Variants in CDKAL1 observed in about 807,000 individuals in gnomAD.
CDKAL1 encodes CDKAL1 threonylcarbamoyladenosine tRNA methylthiotransferase.
In CDKAL1, 32 loss-of-function variants were observed where a neutral mutation model predicts 68.2. The observed-to-expected ratio is 0.47, with a 90% CI of 0.35 to 0.63. The LOEUF is 0.63. CDKAL1 is among the 30% of genes least tolerant of loss of function. The pLI, the probability that CDKAL1 is intolerant of heterozygous loss-of-function variation, is 0.00. For missense variants in CDKAL1, 606 were observed against 696.7 expected (o/e 0.87, Z 1.47); for synonymous variants, 234 against 244.3 (o/e 0.96, Z 0.39).
intron 13 of CDKAL1, among the ~76,000 whole-genome samples, chr6:21,132,671 C>T (rs1376140226): frequency 6.6e-6 from 1 of 152,080 alleles, no homozygotes; most frequent in Non-Finnish European, 1.5e-5. Flanking sequence ...AATTTCACTT[C>T]ATTATCCTTT....
intron 9 of CDKAL1, among the ~76,000 whole-genome samples, chr6:20,945,819 A>G (rs553429829): frequency 1.2e-4 from 19 of 152,286 alleles, no homozygotes; most frequent in African/African-American, 2.4e-4. Context: ...ATTTATTTCT[A>G]TTTACATTTG....
intron 9 of CDKAL1, among the ~76,000 whole-genome samples, chr6:20,915,576 T>A (rs901190197): frequency 1.1e-4 from 17 of 152,194 alleles, no homozygotes; most frequent in Non-Finnish European, 2.1e-4. Context: ...ATACAAAAAA[T>A]TTTTATGACA....
At chr6:20,555,579 A>G (rs983629296) in intron 4 of CDKAL1, among the ~76,000 whole-genome samples, 9 of 149,034 alleles carry the variant, frequency 6.0e-5, no homozygotes, top group African/African-American at 2.0e-4. Flanking sequence ...TTGGCCTCCC[A>G]AAGTGCTGGG....
chr6:21,093,453 A>AT (rs1013861426), intron 12 of CDKAL1, among the ~76,000 whole-genome samples: 1 of 152,200 alleles, frequency 6.6e-6, no homozygotes, highest in African/African-American at 2.4e-5. Flanking sequence ...CTCAGCACAG[A>AT]TGAGAGGTGA....
At chr6:21,144,631 CAAA>C (rs59162861) in intron 13 of CDKAL1, among the ~76,000 whole-genome samples, 1 of 126,830 alleles carries the variant, frequency 7.9e-6, no homozygotes. Flanking sequence ...CAAAAAATAC[CAAA>C]AAAAAAAAAA....
chr6:20,939,056 T>C (rs1370079562), intron 9 of CDKAL1, among the ~76,000 whole-genome samples: 3 of 152,184 alleles, frequency 2.0e-5, no homozygotes, highest in Admixed American at 1.3e-4. Context: ...AAATAAATAT[T>C]CACTAGATGC....
At chr6:20,841,054 C>T (rs1453154680) in intron 8 of CDKAL1, among the ~76,000 whole-genome samples, 1 of 152,094 alleles carries the variant, frequency 6.6e-6, no homozygotes, top group African/African-American at 2.4e-5. Context: ...AGGCTGGTCT[C>T]GAATTCCTGA....
chr6:20,565,023 A>G (rs1450559996), intron 4 of CDKAL1, among the ~76,000 whole-genome samples: 3 of 152,184 alleles, frequency 2.0e-5, no homozygotes, highest in Non-Finnish European at 4.4e-5. Flanking sequence ...TACACTTCCC[A>G]TACAGTTAGA....
intron 13 of CDKAL1, among the ~76,000 whole-genome samples, chr6:21,114,247 C>CAAAAAA (rs55859447): frequency 9.8e-6 from 1 of 101,722 alleles, no homozygotes; most frequent in East Asian, 2.6e-4. Context: ...GACTCTGTCT[C>CAAAAAA]AAAAAAAAAA....
intron 12 of CDKAL1, among the ~76,000 whole-genome samples, chr6:21,094,642 C>T (rs188948571): frequency 6.6e-6 from 1 of 152,162 alleles, no homozygotes; most frequent in East Asian, 1.9e-4. Flanking sequence ...TTCTAAATTG[C>T]CGAGGAATTT....
intron 8 of CDKAL1, among the ~76,000 whole-genome samples, chr6:20,802,715 T>C (rs746005221): frequency 2.0e-5 from 3 of 152,142 alleles, no homozygotes; most frequent in East Asian, 1.9e-4. Flanking sequence ...GGTAGTTCAG[T>C]AGAAAATTTT....
intron 4 of CDKAL1, among the ~76,000 whole-genome samples, chr6:20,619,814 G>A (rs1268305819): frequency 2.0e-5 from 3 of 152,128 alleles, no homozygotes; most frequent in Admixed American, 6.5e-5. Flanking sequence ...TCACTAGCCA[G>A]TCATTTGATT....
intron 7 of CDKAL1, among the ~76,000 whole-genome samples, 184 bp from the exon 8 acceptor site, chr6:20,780,961 A>C (rs1775400329): frequency 1.3e-5 from 2 of 152,308 alleles, no homozygotes; most frequent in African/African-American, 4.8e-5. Flanking sequence ...GGTGTGAGCC[A>C]CTGCACCTGG....
chr6:21,118,523 G>C (rs1181507493), intron 13 of CDKAL1, among the ~76,000 whole-genome samples: 1 of 152,216 alleles, frequency 6.6e-6, no homozygotes, highest in Non-Finnish European at 1.5e-5. Flanking sequence ...TGAGATGAAA[G>C]TATTTCCATG....
At chr6:20,995,709 G>A (rs1202829848) in intron 10 of CDKAL1, among the ~76,000 whole-genome samples, 1 of 152,048 alleles carries the variant, frequency 6.6e-6, no homozygotes, top group Non-Finnish European at 1.5e-5. Context: ...TAATTCTTGA[G>A]GGCCCTAGAA....
intron 4 of CDKAL1, among the ~76,000 whole-genome samples, chr6:20,591,607 G>A (rs4336434): frequency 0.81 from 123,025 of 152,218 alleles, 50,068 homozygotes; most frequent in Middle Eastern, 0.91. Context: ...TAGTTTTCCC[G>A]ACACCATTTA....
At chr6:20,831,149 A>G (rs1777701950) in intron 8 of CDKAL1, among the ~76,000 whole-genome samples, 1 of 152,122 alleles carries the variant, frequency 6.6e-6, no homozygotes, top group Non-Finnish European at 1.5e-5. Context: ...CAAAATAGGA[A>G]CCATTACAAT....
At chr6:20,904,136 A>T (rs1350941092) in intron 9 of CDKAL1, among the ~76,000 whole-genome samples, 1 of 152,098 alleles carries the variant, frequency 6.6e-6, no homozygotes, top group African/African-American at 2.4e-5. Flanking sequence ...GCTGCTTTTG[A>T]TCAAGAGCTG....
chr6:20,943,941 C>A (rs990343986), intron 9 of CDKAL1, among the ~76,000 whole-genome samples: 1 of 152,110 alleles, frequency 6.6e-6, no homozygotes, highest in Non-Finnish European at 1.5e-5. Flanking sequence ...AATAAATAAC[C>A]ATAGTCAATA....
Sources: allele counts gnomAD v4.1 joint callset (sites outside exome capture counted in the v4.1 genomes callset), GRCh38; gene constraint gnomAD v4.1.1; transcripts MANE v1.5; gene names NCBI Gene and HGNC (gene_info 2026-07-23, HGNC 2026-07-21).